The following AKT3 variants were observed in gnomAD, a reference collection of about 807,000 sequenced individuals.
AKT3 encodes AKT serine/threonine kinase 3, also known as RAC-gamma serine/threonine-protein kinase.
AKT3 carries 15 observed loss-of-function variants against 65.3 expected under a neutral mutation model. The observed-to-expected ratio is 0.23, with a 90% CI of 0.15 to 0.35. The LOEUF (loss-of-function observed/expected upper bound fraction) is 0.35, where lower values mean the gene tolerates loss of function less well. Ranked by LOEUF, AKT3 falls within the 10% of genes least tolerant of loss-of-function variation. The pLI, the probability that AKT3 is intolerant of heterozygous loss-of-function variation, is 1.00. For missense variants in AKT3, 243 were observed against 576.5 expected, an observed-to-expected ratio of 0.42 and a Z score of 5.92; for synonymous variants, 206 against 183.8, an observed-to-expected ratio of 1.12 and a Z score of -0.98.
chr1:243,631,233 T>C (rs1227325903), intron 6 of AKT3, among the ~76,000 whole-genome samples: 3 of 152,242 alleles, frequency 2.0e-5, no homozygotes, highest in Non-Finnish European at 2.9e-5. Context: ...ATCTTTTTGC[T>C]GGCAGAAGGT....
chr1:243,757,621 G>GA (rs534437883), intron 2 of AKT3, among the ~76,000 whole-genome samples: 10 of 151,666 alleles, frequency 6.6e-5, no homozygotes, highest in Admixed American at 3.9e-4. Flanking sequence ...CTCCATCTCA[G>GA]AAAAAAAGAT....
chr1:243,620,523 CTT>C (rs986707716), intron 6 of AKT3, among the ~76,000 whole-genome samples: 1 of 122,472 alleles, frequency 8.2e-6, no homozygotes, highest in Admixed American at 9.0e-5. Context: ...GCAATGTATA[CTT>C]TTTTTTTTCC....
chr1:243,849,541 C>T (rs1247253459), intron 1 of AKT3, among the ~76,000 whole-genome samples: 1 of 151,888 alleles, frequency 6.6e-6, no homozygotes, highest in Non-Finnish European at 1.5e-5. Flanking sequence ...CGGCAGACGG[C>T]TCCCTCCCCC....
chr1:243,768,777 G>A (rs1689986536), intron 2 of AKT3, among the ~76,000 whole-genome samples: 2 of 150,186 alleles, frequency 1.3e-5, no homozygotes, highest in Admixed American at 1.3e-4. Context: ...AGAGGTTGCA[G>A]TGAGCAAAGA....
intron 2 of AKT3, among the ~76,000 whole-genome samples, chr1:243,823,065 A>G (rs1024605845): frequency 1.3e-5 from 2 of 152,184 alleles, no homozygotes; most frequent in Non-Finnish European, 2.9e-5. Flanking sequence ...GCAGCACATC[A>G]AAAAGCTTAC....
chr1:243,636,119 G>T (rs193137505), intron 6 of AKT3, among the ~76,000 whole-genome samples: 2 of 151,780 alleles, frequency 1.3e-5, no homozygotes, highest in Non-Finnish European at 2.9e-5. Flanking sequence ...ATATATAAAA[G>T]AAAAAACAGA....
intron 4 of AKT3, among the ~76,000 whole-genome samples, chr1:243,650,207 T>C (rs2147862351): frequency 6.6e-6 from 1 of 152,280 alleles, no homozygotes; most frequent in Non-Finnish European, 1.5e-5. Flanking sequence ...TGCATAAATG[T>C]CTTTTGAGAA....
rs570680561 is a variant in AKT3, at chr1:243,610,885, C to T, written c.696+2786G>A. ...AATGCCCATATTGGGCTGTCTCATT[C>T]TTTCAGATGGATATAGAGATTCCAC... On this transcript the variant is annotated intron_variant, in intron 8 of 13. Coordinates refer to ENST00000673466, the MANE Select transcript of AKT3 (RefSeq NM_005465.7). Among the ~76,000 whole-genome samples, 4 of 152,300 alleles carry T rather than the reference C, an allele frequency of 2.6e-5. 1 individual carries two copies. The South Asian group carries it at 6.2e-4, about 24-fold the overall frequency.
chr1:243,634,576 T>C (rs1004716840), intron 6 of AKT3, among the ~76,000 whole-genome samples: 1 of 152,058 alleles, frequency 6.6e-6, no homozygotes, highest in Non-Finnish European at 1.5e-5. Context: ...CTGTGGTTGA[T>C]TGGGGGTAAC....
chr1:243,821,917 TG>T (rs1475761423), intron 2 of AKT3, among the ~76,000 whole-genome samples: 1 of 152,214 alleles, frequency 6.6e-6, no homozygotes, highest in East Asian at 1.9e-4. Context: ...AACTCAGCTC[TG>T]GATCAACTGG....
intron 2 of AKT3, among the ~76,000 whole-genome samples, chr1:243,762,893 G>C (rs1334502449): frequency 1.3e-5 from 2 of 151,930 alleles, no homozygotes; most frequent in Non-Finnish European, 2.9e-5. Context: ...TATCTGAGTA[G>C]AAAATATTTT....
chr1:243,635,258 T>G (rs1269465143), intron 6 of AKT3, among the ~76,000 whole-genome samples: 1 of 151,774 alleles, frequency 6.6e-6, no homozygotes, highest in Middle Eastern at 3.2e-3. Flanking sequence ...TACGACAGAC[T>G]AAAATTTATG....
At chr1:243,586,716 A>G (rs975771466) in intron 8 of AKT3, among the ~76,000 whole-genome samples, 1 of 152,108 alleles carries the variant, frequency 6.6e-6, no homozygotes, top group African/African-American at 2.4e-5. Flanking sequence ...TAGAAACTGG[A>G]AACTACTAGA....
At chr1:243,683,345 A>T (rs980558680) in intron 3 of AKT3, among the ~76,000 whole-genome samples, 1 of 152,240 alleles carries the variant, frequency 6.6e-6, no homozygotes, top group African/African-American at 2.4e-5. Context: ...AACCCTCAAT[A>T]AAAACTTCCT....
intron 2 of AKT3, among the ~76,000 whole-genome samples, chr1:243,698,624 G>GT (rs968017122): frequency 1.3e-5 from 2 of 151,816 alleles, no homozygotes; most frequent in Admixed American, 1.3e-4. Context: ...TCCTTCAAAC[G>GT]TAATACAGTA....
chr1:243,522,716 T>C (rs115995907), intron 12 of AKT3, among the ~76,000 whole-genome samples: 3,368 of 152,222 alleles, frequency 0.022, 61 homozygotes, highest in Non-Finnish European at 0.033. Context: ...TTTCAATAGA[T>C]ACACACACAT....
At chr1:243,767,655 CA>C (rs1469844585) in intron 2 of AKT3, among the ~76,000 whole-genome samples, 3 of 151,916 alleles carry the variant, frequency 2.0e-5, no homozygotes, top group Admixed American at 6.6e-5. Flanking sequence ...AAAAAATTTA[CA>C]TATGATACAG....
At chr1:243,672,433 G>A (rs977655133) in intron 3 of AKT3, among the ~76,000 whole-genome samples, 8 of 152,170 alleles carry the variant, frequency 5.3e-5, no homozygotes, top group Non-Finnish European at 7.3e-5. Flanking sequence ...AACCATTTGC[G>A]TTTTATCACC....
chr1:243,675,492 C>T (rs1219662801), intron 3 of AKT3, among the ~76,000 whole-genome samples: 4 of 152,210 alleles, frequency 2.6e-5, no homozygotes, highest in Non-Finnish European at 4.4e-5. Flanking sequence ...TGAGCCACTA[C>T]ATCCAGCCTC....
Sources: allele counts gnomAD v4.1 joint callset (sites outside exome capture counted in the v4.1 genomes callset), GRCh38; gene constraint gnomAD v4.1.1; transcripts MANE v1.5; gene names NCBI Gene and HGNC (gene_info 2026-07-23, HGNC 2026-07-21).